Variants in HIVEP2 observed in about 807,000 individuals in gnomAD.
HIVEP2 encodes the protein HIVEP zinc finger 2.
A neutral mutation model predicts 180.7 loss-of-function variants in HIVEP2; 14 were observed. That is an observed-to-expected ratio of 0.08 (90% CI 0.05 to 0.12). HIVEP2 has a LOEUF of 0.12. Among genes scored for constraint, HIVEP2 ranks in the 10% least tolerant of loss-of-function variants. The pLI, the probability that HIVEP2 is intolerant of heterozygous loss-of-function variation, is 1.00. For synonymous variants in HIVEP2, 1,184 were observed against 1,136.4 expected (o/e 1.04, Z -0.84); for missense variants, 2,579 against 3,008.5 (o/e 0.86, Z 3.34).
intron 1 of HIVEP2, among the ~76,000 whole-genome samples, chr6:142,846,922 G>A (rs1775530256): frequency 1.3e-5 from 2 of 152,196 alleles, no homozygotes; most frequent in South Asian, 4.1e-4. Context: ...CGCAGGTAAA[G>A]CTGGCACCAA....
At chr6:142,868,663 T>C (rs1021627913) in intron 1 of HIVEP2, among the ~76,000 whole-genome samples, 22 of 152,286 alleles carry the variant, frequency 1.4e-4, no homozygotes, top group Admixed American at 1.2e-3. Context: ...ACTTCCATCT[T>C]TGAAAGTTTT....
chr6:142,904,372 C>T (rs1043918288), intron 1 of HIVEP2, among the ~76,000 whole-genome samples: 5 of 152,180 alleles, frequency 3.3e-5, no homozygotes, highest in Admixed American at 6.5e-5. Flanking sequence ...TACAGTGTCA[C>T]ATATACTTTC....
intron 1 of HIVEP2, among the ~76,000 whole-genome samples, chr6:142,859,514 C>G (rs1288101092): frequency 2.0e-5 from 3 of 148,590 alleles, no homozygotes; most frequent in Admixed American, 2.0e-4. Context: ...CTTGTCGAAA[C>G]AAAGACTAGA....
At chr6:142,755,246 G>A (rs1044633537) in intron 9 of HIVEP2, among the ~76,000 whole-genome samples, 3 of 152,156 alleles carry the variant, frequency 2.0e-5, no homozygotes, top group Non-Finnish European at 2.9e-5. Context: ...TGAGTGAAAC[G>A]GTGCAATCAT....
Position 142,828,380 on chromosome 6 carries a change from A to G in HIVEP2, c.-528+8555T>C, listed in dbSNP as rs1295080565. Among the ~76,000 whole-genome samples, 5 of 152,142 alleles carry G rather than the reference A, an allele frequency of 3.3e-5. No individual in the cohort carries two copies. In the East Asian group the frequency reaches 9.6e-4, roughly 29 times the overall value. On this transcript the variant is annotated intron_variant, in intron 2 of 9. Coordinates refer to ENST00000367603, the MANE Select transcript of HIVEP2 (RefSeq NM_006734.4). ...ATTAATGCCACTCTCTCGTGTTCTC[A>G]TAATCTTTGCTCAACTCTCATTATC...
chr6:142,896,944 T>C (rs1562283082), intron 1 of HIVEP2, among the ~76,000 whole-genome samples: 1 of 152,210 alleles, frequency 6.6e-6, no homozygotes, highest in Non-Finnish European at 1.5e-5. Context: ...ACAGCCAAGC[T>C]TTCTTGAGGT....
chr6:142,827,151 T>G (rs1015723240), intron 2 of HIVEP2, among the ~76,000 whole-genome samples: 3 of 152,206 alleles, frequency 2.0e-5, no homozygotes, highest in African/African-American at 7.2e-5. Context: ...AATACCCCTT[T>G]GTAATAATAT....
chr6:142,870,015 A>G (rs1776248091), intron 1 of HIVEP2, among the ~76,000 whole-genome samples: 1 of 152,082 alleles, frequency 6.6e-6, no homozygotes, highest in Non-Finnish European at 1.5e-5. Context: ...CAGAGGCCAC[A>G]AAGAGACAGG....
At chr6:142,913,796 G>A (rs1024189455) in intron 1 of HIVEP2, among the ~76,000 whole-genome samples, 9 of 152,124 alleles carry the variant, frequency 5.9e-5, no homozygotes, top group Admixed American at 4.6e-4. Flanking sequence ...TCACCTCCAC[G>A]CCATCTCGTG....
At chr6:142,828,478 T>C (rs1774974305) in intron 2 of HIVEP2, among the ~76,000 whole-genome samples, 1 of 152,152 alleles carries the variant, frequency 6.6e-6, no homozygotes, top group East Asian at 1.9e-4. Context: ...TTGCTCTCGC[T>C]TAGGCTGGAG....
At chr6:142,793,768 CTCTGCCT>C (rs779135273) in intron 2 of HIVEP2, among the ~76,000 whole-genome samples, 69 of 151,228 alleles carry the variant, frequency 4.6e-4, no homozygotes, top group Non-Finnish European at 9.0e-4. Flanking sequence ...AAGTGCCTCC[CTCTGCCT>C]TCTGCCTCAG....
rs549330595 is a variant in HIVEP2 at position 142,911,554 on chromosome 6, C to A, written c.-641+33545G>T. Among the ~76,000 whole-genome samples, 3 of 152,286 alleles carry A rather than the reference C, an allele frequency of 2.0e-5. No individual in the cohort carries two copies. The South Asian group carries it at 6.2e-4, about 32-fold the overall frequency. Reference sequence around the variant, plus strand: ...GTATTGTTATCCCCAGATTTACAGACGAGGAGACTAAGAATCATCTGAGAC... The same window carrying A: ...GTATTGTTATCCCCAGATTTACAGAAGAGGAGACTAAGAATCATCTGAGAC... On this transcript the variant is annotated intron_variant, in intron 1 of 9. Transcript: ENST00000367603.
chr6:142,880,137 G>A (rs1171547109), intron 1 of HIVEP2, among the ~76,000 whole-genome samples: 7 of 151,794 alleles, frequency 4.6e-5, no homozygotes, highest in African/African-American at 1.2e-4. Flanking sequence ...TTATTCATTC[G>A]TCCCCAAAGC....
At chr6:142,811,588 A>C (rs181939625) in intron 2 of HIVEP2, among the ~76,000 whole-genome samples, 2 of 152,346 alleles carry the variant, frequency 1.3e-5, no homozygotes, top group East Asian at 3.9e-4. Context: ...AAAGTCTCAA[A>C]AATTCACAAC....
chr6:142,820,564 C>T (rs1777006509), intron 2 of HIVEP2, among the ~76,000 whole-genome samples: 1 of 152,176 alleles, frequency 6.6e-6, no homozygotes, highest in Admixed American at 6.5e-5. Context: ...AACAGACGTT[C>T]ATGAATTCAA....
At chr6:142,809,769 A>G (rs1367987632) in intron 2 of HIVEP2, among the ~76,000 whole-genome samples, 1 of 151,822 alleles carries the variant, frequency 6.6e-6, no homozygotes, top group Non-Finnish European at 1.5e-5. Flanking sequence ...AATTTTTTGT[A>G]TTTTTAGTAG....
chr6:142,943,710 C>T lies in HIVEP2; in HGVS notation c.-641+1389G>A, dbSNP rs189877618. ...AGGAGAAAAATCAGCTCAAATTTTCCATTATAATGAAAGTACAGGAAACAA... is the reference window on the plus strand; with the variant it reads ...AGGAGAAAAATCAGCTCAAATTTTCTATTATAATGAAAGTACAGGAAACAA... On this transcript the variant is annotated intron_variant, in intron 1 of 9. Transcript: ENST00000367603. The surrounding 1 kb of genome is among the most constrained non-coding windows in gnomAD (Gnocchi z 4.5). Among the ~76,000 whole-genome samples, 1 of 152,070 alleles carries T rather than the reference C, an allele frequency of 6.6e-6. No homozygotes were observed. The highest frequency in any genetic ancestry group is 1.5e-5 in the Non-Finnish European group (1 of 68,014).
intron 1 of HIVEP2, among the ~76,000 whole-genome samples, chr6:142,927,132 G>C (rs190199130): frequency 1.1e-3 from 165 of 152,154 alleles, no homozygotes; most frequent in African/African-American, 3.9e-3. Flanking sequence ...GGGAAGAGCT[G>C]CTCTTCCTCC....
intron 1 of HIVEP2, among the ~76,000 whole-genome samples, chr6:142,924,983 C>T (rs774390979): frequency 2.6e-5 from 4 of 152,158 alleles, no homozygotes; most frequent in African/African-American, 7.2e-5. Flanking sequence ...AGTACCTTTG[C>T]GGCCACATCT....
Sources: gnomAD v4.1 joint callset for allele counts (sites outside exome capture counted in the v4.1 genomes callset) on GRCh38, gnomAD v4.1.1 for gene constraint, Gnocchi (gnomAD v3.1) non-coding constraint, MANE v1.5 for transcripts, NCBI Gene and HGNC (gene_info 2026-07-23, HGNC 2026-07-21) for gene names.